PCDHA11: variants seen among roughly 807,000 people sequenced by gnomAD.
PCDHA11 encodes protocadherin alpha 11.
In PCDHA11, 61 loss-of-function variants were observed where a neutral mutation model predicts 70.3. The observed-to-expected ratio is 0.87, with a 90% CI of 0.71 to 1.07. The LOEUF (loss-of-function observed/expected upper bound fraction) is 1.07, where lower values mean the gene tolerates loss of function less well. Ranked by LOEUF, PCDHA11 falls within the 50% of genes least tolerant of loss-of-function variation. PCDHA11 has a pLI of 0.00. For synonymous variants in PCDHA11, 633 were observed against 555.1 expected (o/e 1.14, Z -1.97); for missense variants, 1,324 against 1,237.5 (o/e 1.07, Z -1.05).
At chr5:140,928,958 C>T in intron 1 of PCDHA11, 1 of 1,613,930 alleles carries the variant, frequency 6.2e-7, no homozygotes, top group South Asian at 1.1e-5. Flanking sequence ...ATTGCCTTGG[C>T]TTGTATTTCC....
At chr5:140,971,372 A>G (rs1554233263) in intron 1 of PCDHA11, among the ~76,000 whole-genome samples, 1 of 152,214 alleles carries the variant, frequency 6.6e-6, no homozygotes, top group Non-Finnish European at 1.5e-5. Flanking sequence ...AGGAGAGTGC[A>G]TGACTTTAAT....
At chr5:140,919,306 A>T (rs1407810868) in intron 1 of PCDHA11, among the ~76,000 whole-genome samples, 1 of 152,150 alleles carries the variant, frequency 6.6e-6, no homozygotes, top group Non-Finnish European at 1.5e-5. Context: ...TGTACAATAT[A>T]TGTTTTCCCA....
intron 1 of PCDHA11, among the ~76,000 whole-genome samples, chr5:140,940,207 G>C (rs1554213216): frequency 2.6e-5 from 4 of 152,094 alleles, no homozygotes; most frequent in Non-Finnish European, 5.9e-5. Context: ...TAAAATTCAA[G>C]ATTGGCATTT....
intron 1 of PCDHA11, among the ~76,000 whole-genome samples, chr5:140,916,143 T>A (rs1237563249): frequency 4.6e-5 from 7 of 152,012 alleles, no homozygotes; most frequent in Non-Finnish European, 8.8e-5. Context: ...GCTGTTCAGT[T>A]GTGTTGTGGT....
chr5:140,906,669 A>G (rs2153496058), intron 1 of PCDHA11, among the ~76,000 whole-genome samples: 1 of 152,302 alleles, frequency 6.6e-6, no homozygotes. Context: ...GTAGTGACCC[A>G]AACCTTCATT....
chr5:140,987,106 C>T (rs113308102), intron 3 of PCDHA11, among the ~76,000 whole-genome samples: 4,830 of 151,440 alleles, frequency 0.032, 263 homozygotes, highest in African/African-American at 0.11. Context: ...CCCAGCTACT[C>T]GGGAGGCTGA....
rs2052480735 is a variant in PCDHA11 at position 140,870,867 on chromosome 5, C to A, written c.1764C>A (p.His588Gln). 5 of 1,613,908 alleles carry A rather than the reference C, an allele frequency of 3.1e-6. No individual in the cohort carries two copies. The East Asian group carries it at 8.9e-5, about 29-fold the overall frequency. Reference protein sequence around the residue: ...KLVPRSVGAGHVVAKVRAVDA... With the variant: ...KLVPRSVGAGQVVAKVRAVDA... ...TACCGCGGTCGGTGGGTGCGGGCCACGTGGTGGCGAAGGTGCGCGCAGTGG... is the reference window on the plus strand; with the variant it reads ...TACCGCGGTCGGTGGGTGCGGGCCAAGTGGTGGCGAAGGTGCGCGCAGTGG... Residue 588 changes from histidine (H) to glutamine (Q), a missense_variant, in exon 1 of 4, where the codon CAC (histidine) becomes CAA (glutamine). By Grantham distance (24) the His-to-Gln change is conservative. Transcript: ENST00000398640.
At chr5:140,970,009 A>G (rs2096376687) in intron 1 of PCDHA11, among the ~76,000 whole-genome samples, 2 of 152,174 alleles carry the variant, frequency 1.3e-5, no homozygotes, top group African/African-American at 4.8e-5. Flanking sequence ...GGAGTGGATG[A>G]TGGTGAGGCA....
At chr5:140,899,494 T>C (rs1387191802) in intron 1 of PCDHA11, among the ~76,000 whole-genome samples, 3 of 152,250 alleles carry the variant, frequency 2.0e-5, no homozygotes, top group Admixed American at 2.0e-4. Flanking sequence ...GGATTACATT[T>C]ATTGATTTGC....
At chr5:140,883,786 C>G in intron 1 of PCDHA11, 1 of 1,612,422 alleles carries the variant, frequency 6.2e-7, no homozygotes, top group Admixed American at 1.7e-5. Flanking sequence ...CGCTGTCGAG[C>G]TACGTGTCGG....
At chr5:140,990,541 A>T (rs868916666) in intron 3 of PCDHA11, among the ~76,000 whole-genome samples, 1 of 152,210 alleles carries the variant, frequency 6.6e-6, no homozygotes, top group Admixed American at 6.5e-5. Context: ...CATCATAGAT[A>T]CTGTATTACC....
intron 1 of PCDHA11, chr5:140,927,252 C>A: frequency 6.2e-7 from 1 of 1,614,134 alleles, no homozygotes; most frequent in Non-Finnish European, 8.5e-7. Flanking sequence ...CCAATGACAA[C>A]TCACCTCTCT....
intron 1 of PCDHA11, 41 bp from the exon 2 acceptor site, chr5:140,978,908 T>C: frequency 6.2e-7 from 1 of 1,613,772 alleles, no homozygotes; most frequent in Non-Finnish European, 8.5e-7. Context: ...GAGAACATTG[T>C]CTTGTCATTT....
intron 3 of PCDHA11, among the ~76,000 whole-genome samples, chr5:140,992,705 T>C (rs1291266922): frequency 6.6e-6 from 1 of 152,188 alleles, no homozygotes; most frequent in African/African-American, 2.4e-5. Flanking sequence ...GTAATGTTCC[T>C]GCCAGTATTC....
At chr5:140,888,706 T>G (rs1554183604) in intron 1 of PCDHA11, among the ~76,000 whole-genome samples, 1 of 152,196 alleles carries the variant, frequency 6.6e-6, no homozygotes, top group African/African-American at 2.4e-5. Context: ...TTGGTAGGAA[T>G]GTGAAATATT....
At chr5:140,967,624 G>C (rs950749188) in intron 1 of PCDHA11, 1 of 1,614,158 alleles carries the variant, frequency 6.2e-7, no homozygotes, top group Non-Finnish European at 8.5e-7. Flanking sequence ...ACCCGGATGA[G>C]GGCTCCAATG....
chr5:140,958,242 T>A (rs1375619471), intron 1 of PCDHA11, among the ~76,000 whole-genome samples: 1 of 152,120 alleles, frequency 6.6e-6, no homozygotes, highest in Non-Finnish European at 1.5e-5. Context: ...TTTTTAACAA[T>A]TCTGAACAAA....
chr5:140,870,317 C>G lies in PCDHA11; in HGVS notation c.1214C>G (p.Ser405Trp), dbSNP rs782216904. Residue 405 changes from serine (S) to tryptophan (W), a missense_variant, in exon 1 of 4, where the codon TCG (serine) becomes TGG (tryptophan). Coordinates refer to ENST00000398640, the MANE Select transcript of PCDHA11 (RefSeq NM_018902.5). ...KLVSTFKNYY[S>W]LVLDSALDRE... is the part of the protein sequence containing the mutation. ...GTGTCCACCTTCAAGAATTACTACT[C>G]GTTGGTGCTGGACAGCGCCCTGGAC... 122 of 1,614,080 alleles carry G rather than the reference C, an allele frequency of 7.6e-5. No individual in the cohort carries two copies. Among genetic ancestry groups the G allele is most frequent in the Non-Finnish European group, 1.0e-4 (120 of 1,180,036 alleles).
chr5:140,949,798 A>G (rs1021470816), intron 1 of PCDHA11, among the ~76,000 whole-genome samples: 1 of 151,786 alleles, frequency 6.6e-6, no homozygotes, highest in South Asian at 2.1e-4. Context: ...GTGTCCTTCA[A>G]TACATTATTT....
Sources: gnomAD v4.1 joint callset for allele counts (sites outside exome capture counted in the v4.1 genomes callset) on GRCh38, gnomAD v4.1.1 for gene constraint, MANE v1.5 for transcripts, NCBI Gene and HGNC (gene_info 2026-07-23, HGNC 2026-07-21) for gene names.